Variants in SARDH observed in about 807,000 individuals in gnomAD.
The protein encoded by SARDH is sarcosine dehydrogenase.
Under a neutral mutation model 109.1 loss-of-function variants are expected in SARDH, and 95 were observed. That is an observed-to-expected ratio of 0.87 (90% CI 0.74 to 1.03). The LOEUF (loss-of-function observed/expected upper bound fraction) is 1.03. Among genes scored for constraint, SARDH ranks in the 50% least tolerant of loss-of-function variants. The pLI is 0.00. For missense variants in SARDH, 1,267 were observed against 1,287.8 expected, an observed-to-expected ratio of 0.98 and a Z score of 0.25; for synonymous variants, 572 against 534.8, an observed-to-expected ratio of 1.07 and a Z score of -0.96.
At chr9:133,694,223 A>G (rs1227809602) in intron 15 of SARDH, 35 bp downstream of exon 15, 17 of 1,454,114 alleles carry the variant, frequency 1.2e-5, no homozygotes, top group Non-Finnish European at 1.6e-5. Flanking sequence ...AGCAGGCCGC[A>G]GTCACAGCGC....
chr9:133,731,547 C>T (rs560621924), intron 3 of SARDH, 63 bp from the exon 4 acceptor site: 2 of 1,540,876 alleles, frequency 1.3e-6, no homozygotes, highest in Non-Finnish European at 1.8e-6. Context: ...CCACTCCCCT[C>T]CCCAACTGGG....
intron 6 of SARDH, among the ~76,000 whole-genome samples, chr9:133,723,305 C>T (rs1234054929): frequency 1.3e-5 from 2 of 152,136 alleles, no homozygotes; most frequent in Non-Finnish European, 2.9e-5. Context: ...TACAGAGATG[C>T]AAGGGACCAA....
In SARDH at chr9:133,704,924, C is replaced by A. The variant is rs1471619501; in HGVS notation, c.1554+24G>T. 1.3e-6 allele frequency: 2 copies of A among 1,558,502 alleles called. No individual in the cohort carries two copies. The highest frequency in any genetic ancestry group is 4.7e-5 in the East Asian group (2 of 42,610). On this transcript the variant is annotated intron_variant, in intron 12 of 20. Transcript: ENST00000439388. This position sits in a 1 kb window ranked among gnomAD's most constrained non-coding sequence, Gnocchi z 4.5. The stretch of plus-strand genomic sequence containing the variant: ...TTGTCAGGGCAGGGCCTCCCAGCAG[C>A]ACAGCCCAGCAGGCACTACTCACCG...
rs757319501 is a variant in SARDH, at chr9:133,671,687, A to G, written c.2174T>C (p.Met725Thr). ...CAGCTCCCCCACAAAGGACAGCCGC[A>G]TGGCTCGGACCTGGGGGACAAGGTC... ...LRAAGHLVRAMRLSFVGELGW... is the reference protein window; with the variant it reads ...LRAAGHLVRATRLSFVGELGW... Residue 725 changes from methionine (M) to threonine (T), a missense_variant, in exon 18 of 21, where the codon ATG (methionine) becomes ACG (threonine). Met to Thr is a moderately conservative substitution (Grantham distance 81). Coordinates refer to ENST00000439388, the MANE Select transcript of SARDH (RefSeq NM_001134707.2). 2.5e-6 allele frequency: 4 copies of G among 1,575,198 alleles called. No individual in the cohort carries two copies. Among genetic ancestry groups the G allele is most frequent in the Middle Eastern group, 1.7e-4 (1 of 6,006 alleles).
rs1170646256 is a variant in SARDH at position 133,709,855 on chromosome 9, AGGCCAC to A, written c.1329-1433_1329-1428del. On this transcript the variant is annotated intron_variant, in intron 10 of 20. Coordinates refer to ENST00000439388, the MANE Select transcript of SARDH (RefSeq NM_001134707.2). The surrounding 1 kb of genome is among the most constrained non-coding windows in gnomAD (Gnocchi z 4.2). ...CACAAGTGTTCACAGTCACACGGCA[AGGCCAC>A]GGCAAAGGCAGCCCACACCTGCGCC... 6.6e-6 allele frequency among the ~76,000 whole-genome samples: 1 copy of A among 152,072 alleles called. No individual in the cohort carries two copies. Among genetic ancestry groups the A allele is most frequent in the Non-Finnish European group, 1.5e-5 (1 of 68,006 alleles).
At chr9:133,702,322 G>C (rs986640846) in intron 13 of SARDH, among the ~76,000 whole-genome samples, 146 of 152,338 alleles carry the variant, frequency 9.6e-4, no homozygotes, top group African/African-American at 3.3e-3. Flanking sequence ...GCACGTGGGA[G>C]CCAGGTCCCC....
Position 133,717,310 on chromosome 9 carries a change from C to T in SARDH, c.1150+16G>A, listed in dbSNP as rs772219302. 4.8e-5 allele frequency: 78 copies of T among 1,613,372 alleles called. No individual in the cohort carries two copies. Among genetic ancestry groups the T allele is most frequent in the South Asian group, 4.2e-4 (38 of 91,002 alleles). On this transcript the variant is annotated intron_variant, in intron 8 of 20. Transcript: ENST00000439388. ...GACCCATGGACGCCCACCCCAGCTCCGAGGCTGTCACTCACCAGGGCCGCA... is the reference window on the plus strand; with the variant it reads ...GACCCATGGACGCCCACCCCAGCTCTGAGGCTGTCACTCACCAGGGCCGCA...
Position 133,708,310 on chromosome 9 carries a change from T to C in SARDH, c.1447A>G (p.Met483Val), listed in dbSNP as rs1831776855. The C allele has an allele frequency of 1.2e-6, 2 of 1,613,250 alleles. No individual in the cohort carries two copies. The highest frequency in any genetic ancestry group is 1.7e-6 in the Non-Finnish European group (2 of 1,179,676). The change falls in exon 11 of 21, where the codon ATG (methionine) becomes GTG (valine). Residue 483 changes from methionine to valine, a missense_variant. Coordinates refer to ENST00000439388, the MANE Select transcript of SARDH (RefSeq NM_001134707.2). ...ACCTCGTGCAGCGGGTCTCTCCTCA[T>C]GTTGCGCCCGGCCAGCGGCTCATCG... is the stretch of plus-strand genomic sequence containing the variant. Reference protein sequence around the residue: ...PHDEPLAGRNMRRDPLHEELL... With the variant: ...PHDEPLAGRNVRRDPLHEELL...
At chr9:133,676,742 A>G (rs529563059) in intron 17 of SARDH, among the ~76,000 whole-genome samples, 2 of 152,370 alleles carry the variant, frequency 1.3e-5, no homozygotes, top group African/African-American at 2.4e-5. Flanking sequence ...AGATAACAGC[A>G]GAGAATGTTC....
intron 17 of SARDH, among the ~76,000 whole-genome samples, chr9:133,678,365 T>C (rs749655913): frequency 2.6e-5 from 4 of 152,178 alleles, no homozygotes; most frequent in Non-Finnish European, 5.9e-5. Context: ...TCTGACCTCC[T>C]CATCCCCTCT....
rs1486782323 is a variant in SARDH, at chr9:133,718,320, C to A, written c.1020+618G>T. On this transcript the variant is annotated intron_variant, in intron 7 of 20. Transcript: ENST00000439388. The surrounding 1 kb of genome is among the most constrained non-coding windows in gnomAD (Gnocchi z 4.2). ...TTCCTGACCTCAGGTGGTCCGCCCA[C>A]CTCAGCCTCCCAAAGTGCTGGGATT... The A allele has an allele frequency of 5.5e-6, 1 of 180,716 alleles. No homozygotes were observed. Among genetic ancestry groups the A allele is most frequent in the African/African-American group, 2.4e-5 (1 of 42,320 alleles). 11.2% of individuals were successfully genotyped at this position (180,716 alleles called of 1,614,324 possible).
At chr9:133,732,362 C>T (rs1018686200) in intron 3 of SARDH, 61 bp downstream of exon 3, 2 of 1,177,970 alleles carry the variant, frequency 1.7e-6, no homozygotes, top group Admixed American at 2.2e-5. Context: ...AATATGACCC[C>T]CCAGGGAGTG....
Position 133,729,783 on chromosome 9 carries a change from C to T in SARDH, c.897G>A (p.Glu299=). Residue 299 remains glutamate, a synonymous_variant, in exon 6 of 21, where the codon GAG becomes GAA. Coordinates refer to ENST00000439388, the MANE Select transcript of SARDH (RefSeq NM_001134707.2). The stretch of plus-strand genomic sequence containing the variant: ...CACCTACCTGAATCCCCTCGATGCG[C>T]TCGGTGACGACATAGGCATGGTGCA... ...VAMHHAYVVT[E]RIEGIQNMPN... is the part of the protein sequence containing the mutation. 1.2e-6 allele frequency: 2 copies of T among 1,612,984 alleles called. No individual in the cohort carries two copies.
chr9:133,702,624 GC>G (rs1564269635), intron 13 of SARDH, among the ~76,000 whole-genome samples: 1 of 152,210 alleles, frequency 6.6e-6, no homozygotes. Context: ...GAGCGGTGCA[GC>G]CCCACCGGGC....
At position 133,686,011 on chromosome 9, in the gene SARDH, C is replaced by A. The variant is rs1460122449; in HGVS notation, c.2070-725G>T. Among the ~76,000 whole-genome samples, 1 of 152,116 alleles carries A rather than the reference C, an allele frequency of 6.6e-6. No homozygotes were observed. The highest frequency in any genetic ancestry group is 1.5e-5 in the Non-Finnish European group (1 of 67,994). ...CTTAGCACCCAGCAGGTGCTAAGAGCCATTTCAACCTCCTAGGGGACTGTC... is the reference window on the plus strand; with the variant it reads ...CTTAGCACCCAGCAGGTGCTAAGAGACATTTCAACCTCCTAGGGGACTGTC... On this transcript the variant is annotated intron_variant, in intron 16 of 20. Coordinates refer to ENST00000439388, the MANE Select transcript of SARDH (RefSeq NM_001134707.2). This position sits in a 1 kb window ranked among gnomAD's most constrained non-coding sequence, Gnocchi z 4.0.
chr9:133,661,133 A>G (rs1832406814), downstream of SARDH, among the ~76,000 whole-genome samples: 1 of 152,112 alleles, frequency 6.6e-6, no homozygotes, highest in Non-Finnish European at 1.5e-5. Flanking sequence ...TGAGGTCGGT[A>G]GTTCGAGACC....
chr9:133,733,815 C>G, intron 2 of SARDH, 28 bp downstream of exon 2: 2 of 1,445,942 alleles, frequency 1.4e-6, no homozygotes, highest in Non-Finnish European at 1.8e-6. Flanking sequence ...CTATCCTTCC[C>G]TGCCCCTACC....
At chr9:133,674,457 A>C (rs1407602020) in intron 17 of SARDH, among the ~76,000 whole-genome samples, 1 of 152,268 alleles carries the variant, frequency 6.6e-6, no homozygotes, top group Non-Finnish European at 1.5e-5. Context: ...GAATTATGGA[A>C]GATCAGCAGG....
intron 19 of SARDH, among the ~76,000 whole-genome samples, chr9:133,668,101 A>C (rs558000994): frequency 7.2e-5 from 11 of 152,026 alleles, no homozygotes; most frequent in African/African-American, 2.7e-4. Flanking sequence ...GAGGGCCAGA[A>C]GGTCGGGGTC....
Sources: gnomAD v4.1 joint callset for allele counts (sites outside exome capture counted in the v4.1 genomes callset) on GRCh38, gnomAD v4.1.1 for gene constraint, Gnocchi (gnomAD v3.1) non-coding constraint, MANE v1.5 for transcripts, NCBI Gene and HGNC (gene_info 2026-07-23, HGNC 2026-07-21) for gene names.